The following ANKFN1 variants were observed in gnomAD, a reference collection of about 807,000 sequenced individuals.
ANKFN1 encodes the protein ankyrin repeat and fibronectin type-III domain-containing protein 1.
In ANKFN1, 74 loss-of-function variants were observed where a neutral mutation model predicts 108.7. That is an observed-to-expected ratio of 0.68 (90% confidence interval 0.56 to 0.83). The LOEUF (loss-of-function observed/expected upper bound fraction) is 0.83. ANKFN1 is among the 40% of genes least tolerant of loss of function. ANKFN1 has a pLI of 0.00. For synonymous variants in ANKFN1, 547 were observed against 516.2 expected (o/e 1.06, Z -0.81); for missense variants, 1,505 against 1,382.3 (o/e 1.09, Z -1.41).
At chr17:56,503,486 C>CATATATATATATATATATAT (rs3052391) in intron 20 of ANKFN1, among the ~76,000 whole-genome samples, 8 of 81,526 alleles carry the variant, frequency 9.8e-5, no homozygotes, top group African/African-American at 2.2e-4. Flanking sequence ...GCACAAATTT[C>CATATATATATATATATATAT]ATATATATAT....
intron 20 of ANKFN1, among the ~76,000 whole-genome samples, chr17:56,504,124 T>C (rs1048666256): frequency 6.6e-6 from 1 of 152,212 alleles, no homozygotes; most frequent in East Asian, 1.9e-4. Context: ...CTCTAAGCAA[T>C]AGGTTCCACT....
At position 56,477,384 on chromosome 17, in the gene ANKFN1, C is replaced by T. The variant is rs1598686635; in HGVS notation, c.1774-104C>T. The T allele has an allele frequency of 4.4e-6, 5 of 1,147,192 alleles. No individual in the cohort carries two copies. The East Asian group carries it at 1.1e-4, about 25-fold the overall frequency. The allele number at this position is 1,147,192 out of a possible 1,614,324, so 71.1% of individuals were successfully genotyped here. ...TTCTCACCTAATTACTTAGTGACAGCTCCTTTCATTCATGACAAGCCTTCC... is the reference window on the plus strand; with the variant it reads ...TTCTCACCTAATTACTTAGTGACAGTTCCTTTCATTCATGACAAGCCTTCC... On this transcript the variant is annotated intron_variant, in intron 15 of 20. Transcript: ENST00000682825.
At chr17:56,377,641 AC>A (rs1421901348) in intron 8 of ANKFN1, among the ~76,000 whole-genome samples, 1 of 152,188 alleles carries the variant, frequency 6.6e-6, no homozygotes, top group Non-Finnish European at 1.5e-5. Context: ...AGAAGTTTGT[AC>A]CACATTTTCT....
intron 4 of ANKFN1, among the ~76,000 whole-genome samples, chr17:56,130,330 A>G (rs995526222): frequency 6.6e-6 from 1 of 152,204 alleles, no homozygotes; most frequent in Non-Finnish European, 1.5e-5. Context: ...CATTGACTCC[A>G]CCACGGCTAA....
At chr17:56,126,775 A>G (rs1906959761) in intron 4 of ANKFN1, among the ~76,000 whole-genome samples, 1 of 152,246 alleles carries the variant, frequency 6.6e-6, no homozygotes, top group African/African-American at 2.4e-5. Context: ...TAAGTAAAAT[A>G]GTGCAGAAAC....
At chr17:56,498,304 A>G (rs1325865783) in intron 19 of ANKFN1, among the ~76,000 whole-genome samples, 1 of 152,132 alleles carries the variant, frequency 6.6e-6, no homozygotes, top group Non-Finnish European at 1.5e-5. Flanking sequence ...ATTCCAGTAG[A>G]GCTTTGCTTT....
chr17:56,302,266 G>A (rs374267976), intron 3 of ANKFN1, among the ~76,000 whole-genome samples: 5 of 152,090 alleles, frequency 3.3e-5, no homozygotes, highest in South Asian at 2.1e-4. Context: ...GAAAAATGCC[G>A]GTAATCCCGT....
intron 3 of ANKFN1, chr17:56,252,270 C>T (rs979123197): frequency 6.6e-6 from 1 of 152,204 alleles, no homozygotes; most frequent in Admixed American, 6.5e-5. Context: ...GTTCAAGTTA[C>T]ACAGCTAACC....
chr17:56,334,907 G>A (rs374786724), intron 4 of ANKFN1, among the ~76,000 whole-genome samples: 3 of 152,116 alleles, frequency 2.0e-5, no homozygotes, highest in Non-Finnish European at 2.9e-5. Flanking sequence ...TTTGTGGAAG[G>A]TGTAAGGAAG....
At chr17:56,183,781 C>T (rs2332598) in intron 1 of ANKFN1, among the ~76,000 whole-genome samples, 1 of 152,006 alleles carries the variant, frequency 6.6e-6, no homozygotes, top group Non-Finnish European at 1.5e-5. Flanking sequence ...AGACTAACAC[C>T]ACCAGCATTT....
At chr17:56,439,432 C>T (rs1171232104) in intron 8 of ANKFN1, among the ~76,000 whole-genome samples, 1 of 151,748 alleles carries the variant, frequency 6.6e-6, no homozygotes, top group Non-Finnish European at 1.5e-5. Context: ...TTTATCTTTC[C>T]TGACCATGGC....
chr17:56,206,229 A>G (rs945685224), intron 1 of ANKFN1, among the ~76,000 whole-genome samples: 2 of 152,030 alleles, frequency 1.3e-5, no homozygotes, highest in Admixed American at 6.6e-5. Flanking sequence ...TTTATTTGCT[A>G]TGTTTTCGTG....
chr17:56,128,156 G>A (rs1329161269), intron 4 of ANKFN1, among the ~76,000 whole-genome samples: 1 of 151,874 alleles, frequency 6.6e-6, no homozygotes, highest in Non-Finnish European at 1.5e-5. Flanking sequence ...AAAAAAGAGA[G>A]CTCTTGCTCA....
At chr17:56,247,949 T>C (rs764734644) in intron 3 of ANKFN1, among the ~76,000 whole-genome samples, 26 of 152,192 alleles carry the variant, frequency 1.7e-4, no homozygotes, top group Non-Finnish European at 2.9e-5. Flanking sequence ...GGAGAAGACT[T>C]GGACAGAGCA....
chr17:56,231,747 A>C (rs540412997), intron 3 of ANKFN1, among the ~76,000 whole-genome samples: 5 of 152,166 alleles, frequency 3.3e-5, no homozygotes, highest in African/African-American at 1.2e-4. Context: ...TCATATGTTA[A>C]TTACAATCCC....
chr17:56,426,085 T>C lies in ANKFN1; in HGVS notation c.911-14242T>C, dbSNP rs115112062. On this transcript the variant is annotated intron_variant, in intron 8 of 20. Coordinates refer to ENST00000682825, the MANE Select transcript of ANKFN1 (RefSeq NM_001370326.1). ...ATACAAAATTCAAAAAATTCAATTA[T>C]GTTTATTTGGAAGCTATTATGTATA... Among the ~76,000 whole-genome samples, 810 of 152,346 alleles carry C rather than the reference T, an allele frequency of 5.3e-3. 7 individuals are homozygous for C. The highest frequency in any genetic ancestry group is 0.018 in the African/African-American group (747 of 41,578).
intron 8 of ANKFN1, among the ~76,000 whole-genome samples, chr17:56,406,842 A>G (rs2047937045): frequency 6.6e-6 from 1 of 152,172 alleles, no homozygotes; most frequent in Non-Finnish European, 1.5e-5. Context: ...TGAGACCAGC[A>G]TAGTATCATG....
intron 1 of ANKFN1, among the ~76,000 whole-genome samples, chr17:56,155,115 T>C (rs1167166120): frequency 6.6e-6 from 1 of 152,038 alleles, no homozygotes; most frequent in African/African-American, 2.4e-5. Context: ...AAAAGGAACA[T>C]GGCAGACAGA....
chr17:56,331,872 GT>G (rs1179334550), intron 4 of ANKFN1, among the ~76,000 whole-genome samples: 2 of 152,162 alleles, frequency 1.3e-5, no homozygotes, highest in African/African-American at 4.8e-5. Context: ...AAAAAGGGAA[GT>G]GAGTCAAGGA....
Sources: gnomAD v4.1 joint callset for allele counts (sites outside exome capture counted in the v4.1 genomes callset) on GRCh38, gnomAD v4.1.1 for gene constraint, MANE v1.5 for transcripts, NCBI Gene and HGNC (gene_info 2026-07-23, HGNC 2026-07-21) for gene names.